The following LARP4B variants were observed in gnomAD, a reference collection of about 807,000 sequenced individuals.
LARP4B encodes La ribonucleoprotein 4B.
LARP4B carries 12 observed loss-of-function variants against 89.8 expected under a neutral mutation model. That is an observed-to-expected ratio of 0.13 (90% CI 0.09 to 0.22). LARP4B has a LOEUF of 0.22. Among genes scored for constraint, LARP4B ranks in the 10% least tolerant of loss-of-function variants. The pLI is 1.00. For missense variants in LARP4B, 757 were observed against 947.7 expected, an observed-to-expected ratio of 0.80 and a Z score of 2.64; for synonymous variants, 367 against 363.3, an observed-to-expected ratio of 1.01 and a Z score of -0.12.
At chr10:877,406 C>T (rs1010858585) in intron 3 of LARP4B, among the ~76,000 whole-genome samples, 11 of 58,790 alleles carry the variant, frequency 1.9e-4, no homozygotes, top group Non-Finnish European at 2.6e-4. Context: ...TTCTGAAAAG[C>T]CTTTCAGATG....
chr10:912,696 ACCT>A (rs1199134584), intron 1 of LARP4B, among the ~76,000 whole-genome samples: 1 of 130,144 alleles, frequency 7.7e-6, no homozygotes, highest in Non-Finnish European at 1.6e-5. Context: ...ACATGGAGAA[ACCT>A]CGTCTTGACA....
intron 1 of LARP4B, among the ~76,000 whole-genome samples, chr10:890,900 C>T (rs530827381): frequency 3.3e-5 from 5 of 152,118 alleles, no homozygotes; most frequent in Admixed American, 3.3e-4. Context: ...CCCACACAAC[C>T]ACGAAATCCA....
chr10:972,944 T>C, the LARP4B span: 5 of 450,032 alleles, frequency 1.1e-5, no homozygotes, highest in South Asian at 7.8e-5. Flanking sequence ...GCTAAGCTAC[T>C]GAAACCATGC....
intron 8 of LARP4B, among the ~76,000 whole-genome samples, chr10:832,422 A>T (rs2131672999): frequency 6.6e-6 from 1 of 152,372 alleles, no homozygotes; most frequent in Non-Finnish European, 1.5e-5. Context: ...ACACTAAATA[A>T]GATTAACAGC....
chr10:954,363 A>T, the LARP4B span, among the ~76,000 whole-genome samples: 1 of 152,220 alleles, frequency 6.6e-6, no homozygotes, highest in East Asian at 1.9e-4. This position sits in a 1 kb window ranked among gnomAD's most constrained non-coding sequence, Gnocchi z 5.0. Flanking sequence ...GTGGACGCGG[A>T]CGAAAAGGGG....
the LARP4B span, among the ~76,000 whole-genome samples, chr10:964,312 G>T: frequency 1.1e-4 from 16 of 152,196 alleles, no homozygotes; most frequent in African/African-American, 3.1e-4. Context: ...TGATCTGCCC[G>T]CCTCGGCCTC....
intron 5 of LARP4B, among the ~76,000 whole-genome samples, chr10:863,465 G>A (rs79551908): frequency 2.6e-5 from 4 of 151,838 alleles, no homozygotes; most frequent in Admixed American, 6.6e-5. Flanking sequence ...TCCTGACCTC[G>A]TGATCTGCCC....
At chr10:877,588 C>T (rs1835506704) in intron 3 of LARP4B, among the ~76,000 whole-genome samples, 2 of 152,182 alleles carry the variant, frequency 1.3e-5, no homozygotes, top group Admixed American at 6.5e-5. Flanking sequence ...GGATAAATTA[C>T]TTAAACCTCT....
chr10:886,748 G>C (rs1381933293), intron 1 of LARP4B, among the ~76,000 whole-genome samples: 2 of 152,216 alleles, frequency 1.3e-5, no homozygotes, highest in Non-Finnish European at 2.9e-5. Flanking sequence ...TCACTCATAT[G>C]TGAAAGTTAC....
At chr10:849,758 C>T (rs2131770189) in intron 5 of LARP4B, among the ~76,000 whole-genome samples, 1 of 152,350 alleles carries the variant, frequency 6.6e-6, no homozygotes, top group South Asian at 2.1e-4. Context: ...TGACAATGTG[C>T]ACCCTTGATA....
At position 814,820 on chromosome 10, in the gene LARP4B, T is replaced by C; in HGVS notation, c.1851A>G (p.Glu617=). The change falls in exon 17 of 18, where the codon GAA becomes GAG. Residue 617 remains glutamate, a synonymous_variant. Transcript: ENST00000316157. The surrounding 1 kb of genome is among the most constrained non-coding windows in gnomAD (Gnocchi z 4.4). ...AAGGAAGTCTGTCCACACTGTGGGT[T>C]TCCCTCTGTTTCTCCGCCACCTTGG... ...DDPKVAEKQR[E]THSVDRLPSA... The C allele has an allele frequency of 1.3e-6, 2 of 1,597,038 alleles. No individual in the cohort carries two copies. Among genetic ancestry groups the C allele is most frequent in the Non-Finnish European group, 1.7e-6 (2 of 1,166,908 alleles).
At chr10:820,238 TA>T (rs1832281112) in intron 14 of LARP4B, 2 of 152,424 alleles carry the variant, frequency 1.3e-5, no homozygotes, top group African/African-American at 4.8e-5. Flanking sequence ...AAACTCTGAT[TA>T]ATCAACCCAA....
chr10:934,831 C>T (rs974686392), upstream of LARP4B, among the ~76,000 whole-genome samples: 1 of 152,224 alleles, frequency 6.6e-6, no homozygotes, highest in Non-Finnish European at 1.5e-5. Context: ...TCCCCGTCCC[C>T]CCAGTGGTTT....
At chr10:896,477 T>C (rs1836193056) in intron 1 of LARP4B, among the ~76,000 whole-genome samples, 3 of 152,192 alleles carry the variant, frequency 2.0e-5, no homozygotes, top group South Asian at 4.1e-4. Flanking sequence ...CAGCCAAGAT[T>C]CTATTAAGTC....
intron 5 of LARP4B, among the ~76,000 whole-genome samples, chr10:857,950 A>C (rs1488558738): frequency 6.6e-6 from 1 of 152,242 alleles, no homozygotes; most frequent in Non-Finnish European, 1.5e-5. Context: ...AAGAGCAAAA[A>C]GGGTGCTTGG....
At chr10:977,458 G>C in the LARP4B span, among the ~76,000 whole-genome samples, 2 of 151,756 alleles carry the variant, frequency 1.3e-5, no homozygotes, top group Non-Finnish European at 2.9e-5. Context: ...AGAATCACTT[G>C]AACCTGGGAG....
the LARP4B span, among the ~76,000 whole-genome samples, chr10:978,031 C>T: frequency 6.6e-6 from 1 of 152,126 alleles, no homozygotes; most frequent in Non-Finnish European, 1.5e-5. Flanking sequence ...GAGTTACAAA[C>T]AGAATAATGG....
At chr10:865,128 T>G (rs1443234565) in intron 3 of LARP4B, among the ~76,000 whole-genome samples, 1 of 152,200 alleles carries the variant, frequency 6.6e-6, no homozygotes, top group East Asian at 1.9e-4. Flanking sequence ...TTCACAGAAC[T>G]ACCTGTTCCC....
At chr10:926,713 C>A (rs530785355) in intron 1 of LARP4B, among the ~76,000 whole-genome samples, 87 of 152,330 alleles carry the variant, frequency 5.7e-4, no homozygotes, top group Middle Eastern at 6.8e-3. Context: ...CATACTCCCC[C>A]TAAAAAACTA....
Sources: gnomAD v4.1 joint callset for allele counts (sites outside exome capture counted in the v4.1 genomes callset) on GRCh38, gnomAD v4.1.1 for gene constraint, Gnocchi (gnomAD v3.1) non-coding constraint, MANE v1.5 for transcripts, NCBI Gene and HGNC (gene_info 2026-07-23, HGNC 2026-07-21) for gene names.